The following FNDC3A variants were observed in gnomAD, a reference collection of about 807,000 sequenced individuals.
FNDC3A encodes fibronectin type III domain containing 3A, also known as fibronectin type-III domain-containing protein 3A.
In FNDC3A, 32 loss-of-function variants were observed where a neutral mutation model predicts 148.9. The ratio of observed to expected loss-of-function variants is 0.21; its 90% CI spans 0.16 to 0.29. The LOEUF (loss-of-function observed/expected upper bound fraction) is 0.29. Ranked by LOEUF, FNDC3A falls within the 10% of genes least tolerant of loss-of-function variation. The probability of loss-of-function intolerance (pLI) is 1.00; values close to 1 mark genes in which losing one functional copy is unlikely to be tolerated. For missense variants in FNDC3A, 1,191 were observed against 1,452.8 expected (o/e 0.82, Z 2.93); for synonymous variants, 472 against 473.6 (o/e 1.00, Z 0.04).
At chr13:49,155,769 C>T (rs1329968602) in intron 8 of FNDC3A, among the ~76,000 whole-genome samples, 14 of 42,412 alleles carry the variant, frequency 3.3e-4, no homozygotes, top group East Asian at 4.3e-4. Flanking sequence ...GCCTTCATTT[C>T]GTTATGTACC....
At chr13:48,986,256 G>A (rs191919735) in intron 1 of FNDC3A, among the ~76,000 whole-genome samples, 2 of 151,732 alleles carry the variant, frequency 1.3e-5, no homozygotes, top group Non-Finnish European at 2.9e-5. Flanking sequence ...TTTTTTTAAA[G>A]TCCCATATGT....
intron 10 of FNDC3A, 147 bp from the exon 11 acceptor site, chr13:49,171,896 A>G: frequency 1.7e-6 from 1 of 578,400 alleles, no homozygotes; most frequent in Non-Finnish European, 3.1e-6. Flanking sequence ...TACAATACAT[A>G]TATTTTTGTA....
At position 49,131,348 on chromosome 13, in the gene FNDC3A, A is replaced by G. The variant is rs371847209; in HGVS notation, c.464A>G (p.Gln155Arg). 6.2e-7 allele frequency: 1 copy of G among 1,612,614 alleles called. No individual in the cohort carries two copies. Among genetic ancestry groups the G allele is most frequent in the East Asian group, 2.2e-5 (1 of 44,876 alleles). ...DMTTQYMPQY[Q>R]SSQVYGDVDA... ...ACAACACAGTATATGCCACAGTATC[A>G]GTCTTCACAAGTCTATGGAGATGTA... Residue 155 changes from glutamine (Q) to arginine (R), a missense_variant, in exon 5 of 26, where the codon CAG (glutamine) becomes CGG (arginine). Transcript: ENST00000492622.
chr13:49,183,808 G>A (rs900981736), intron 14 of FNDC3A, among the ~76,000 whole-genome samples: 2 of 152,156 alleles, frequency 1.3e-5, no homozygotes, highest in African/African-American at 4.8e-5. Context: ...TGGGCTCTGT[G>A]ATTTATTTGG....
intron 1 of FNDC3A, among the ~76,000 whole-genome samples, chr13:49,000,988 T>C (rs1016492177): frequency 2.7e-5 from 4 of 148,200 alleles, no homozygotes; most frequent in African/African-American, 1.0e-4. Flanking sequence ...GTGTGTGTAA[T>C]CTTTAGGGTT....
At chr13:49,139,079 A>C (rs932257615) in intron 7 of FNDC3A, among the ~76,000 whole-genome samples, 1 of 152,232 alleles carries the variant, frequency 6.6e-6, no homozygotes, top group African/African-American at 2.4e-5. Flanking sequence ...ATGCACAAAC[A>C]GAATTCTGTG....
chr13:49,011,303 G>A (rs113908689), intron 2 of FNDC3A, among the ~76,000 whole-genome samples: 372 of 151,620 alleles, frequency 2.5e-3, no homozygotes, highest in Middle Eastern at 0.01. Flanking sequence ...GCGTGATCTC[G>A]GCTCACTGCA....
At chr13:49,116,255 C>T (rs76206282) in intron 4 of FNDC3A, among the ~76,000 whole-genome samples, 2,341 of 152,200 alleles carry the variant, frequency 0.015, 59 homozygotes, top group African/African-American at 0.052. Context: ...TTTGGGCTTT[C>T]GTGGCATATT....
At chr13:49,093,163 T>C (rs1879296613) in intron 3 of FNDC3A, among the ~76,000 whole-genome samples, 1 of 152,158 alleles carries the variant, frequency 6.6e-6, no homozygotes. Flanking sequence ...TACAAAACCA[T>C]GATACAGTGG....
chr13:49,163,422 C>T (rs572763178), intron 8 of FNDC3A, among the ~76,000 whole-genome samples: 3 of 152,322 alleles, frequency 2.0e-5, no homozygotes, highest in East Asian at 1.9e-4. Context: ...GCTCTGTGGG[C>T]GTGGGACCCT....
intron 8 of FNDC3A, among the ~76,000 whole-genome samples, chr13:49,166,329 G>A (rs1455152756): frequency 1.3e-5 from 2 of 152,212 alleles, no homozygotes; most frequent in Admixed American, 1.3e-4. Context: ...TTTGCCAGTG[G>A]CTCAGGCTTT....
rs1224833958 is a variant in FNDC3A, at chr13:49,209,011, G to C, written c.*1616G>C. On this transcript the variant is annotated 3_prime_UTR_variant, in exon 26 of 26. Coordinates refer to ENST00000492622, the MANE Select transcript of FNDC3A (RefSeq NM_001079673.2). ...GTTCAAAAAAGAAATGGATAAACTT[G>C]GCCTTTCTAAGTGGTAAGAATGACC... 6.6e-6 allele frequency: 1 copy of C among 152,526 alleles called. No individual in the cohort carries two copies. Among genetic ancestry groups the C allele is most frequent in the African/African-American group, 2.4e-5 (1 of 41,414 alleles). 9.4% of individuals were successfully genotyped at this position (152,526 alleles called of 1,614,324 possible).
chr13:48,975,687 C>A (rs1007023036), upstream of FNDC3A: 21 of 152,232 alleles, frequency 1.4e-4, 1 homozygote, highest in African/African-American at 4.6e-4. Flanking sequence ...ACAAGCCAGG[C>A]GCAGCCGGGC....
rs748916455 is a variant in FNDC3A, at chr13:49,191,212, C to A, written c.2054C>A (p.Pro685His). Residue 685 changes from proline to histidine, a missense_variant, in exon 19 of 26, where the codon CCC becomes CAC. Pro to His is a moderately conservative substitution (Grantham distance 77). Transcript: ENST00000492622. ...KAKEIQLRWGPPLVDGGSPIS... is the reference protein window; with the variant it reads ...KAKEIQLRWGHPLVDGGSPIS... The stretch of plus-strand genomic sequence containing the variant: ...CATTAATCTTTCCATCTTTTAGGAC[C>A]CCCTCTGGTTGATGGTGGATCACCC... 2 of 1,605,206 alleles carry A rather than the reference C, an allele frequency of 1.2e-6. No homozygotes were observed. Among genetic ancestry groups the A allele is most frequent in the African/African-American group, 1.3e-5 (1 of 74,424 alleles).
chr13:48,990,011 A>G (rs1055980466), intron 1 of FNDC3A, among the ~76,000 whole-genome samples: 1 of 152,070 alleles, frequency 6.6e-6, no homozygotes, highest in South Asian at 2.1e-4. Flanking sequence ...TCGCCTCCCA[A>G]AGTGCTGGGA....
At chr13:48,979,896 G>A (rs1049666486) in intron 1 of FNDC3A, among the ~76,000 whole-genome samples, 1 of 152,078 alleles carries the variant, frequency 6.6e-6, no homozygotes, top group Admixed American at 6.6e-5. Flanking sequence ...ACAAAAACAA[G>A]CCATCTGTGG....
At chr13:49,166,874 G>T (rs1884492494) in intron 8 of FNDC3A, among the ~76,000 whole-genome samples, 2 of 152,070 alleles carry the variant, frequency 1.3e-5, no homozygotes, top group African/African-American at 4.8e-5. Context: ...TAAAAAATTG[G>T]CAATTTTGCT....
intron 1 of FNDC3A, among the ~76,000 whole-genome samples, chr13:48,988,333 C>A (rs1951844372): frequency 6.6e-6 from 1 of 152,156 alleles, no homozygotes; most frequent in South Asian, 2.1e-4. Flanking sequence ...CACCCCAAAG[C>A]ATAAATTCAT....
chr13:49,085,334 C>G (rs1878734530), intron 3 of FNDC3A, among the ~76,000 whole-genome samples: 2 of 152,184 alleles, frequency 1.3e-5, no homozygotes, highest in South Asian at 4.1e-4. Context: ...GAGCTCCTGG[C>G]CTTGTCCTTC....
Sources: gnomAD v4.1 joint callset for allele counts (sites outside exome capture counted in the v4.1 genomes callset) on GRCh38, gnomAD v4.1.1 for gene constraint, MANE v1.5 for transcripts, NCBI Gene and HGNC (gene_info 2026-07-23, HGNC 2026-07-21) for gene names.